The following SLIT2 variants were observed in gnomAD, a reference collection of about 807,000 sequenced individuals.
SLIT2 encodes slit guidance ligand 2.
In SLIT2, 41 loss-of-function variants were observed where a neutral mutation model predicts 185.7. The ratio of observed to expected loss-of-function variants is 0.22; its 90% CI spans 0.17 to 0.29. The LOEUF (loss-of-function observed/expected upper bound fraction) is 0.29, where lower values mean the gene tolerates loss of function less well. SLIT2 is among the 10% of genes least tolerant of loss of function. SLIT2 has a pLI of 1.00. For synonymous variants in SLIT2, 693 were observed against 680.2 expected, an observed-to-expected ratio of 1.02 and a Z score of -0.29; for missense variants, 1,571 against 1,909.0, an observed-to-expected ratio of 0.82 and a Z score of 3.30.
At chr4:20,313,675 G>A (rs1480950476) in intron 4 of SLIT2, among the ~76,000 whole-genome samples, 1 of 152,150 alleles carries the variant, frequency 6.6e-6, no homozygotes, top group African/African-American at 2.4e-5. Context: ...GTTTTTCTAT[G>A]GAATGGGTGG....
At chr4:20,496,398 G>A (rs1377235572) in intron 9 of SLIT2, among the ~76,000 whole-genome samples, 1 of 152,156 alleles carries the variant, frequency 6.6e-6, no homozygotes, top group Non-Finnish European at 1.5e-5. Flanking sequence ...CAGTTGGATC[G>A]CAATGTTGGC....
chr4:20,568,412 T>TA (rs1226647499), intron 28 of SLIT2, among the ~76,000 whole-genome samples: 1 of 151,608 alleles, frequency 6.6e-6, no homozygotes, highest in Non-Finnish European at 1.5e-5. Context: ...GTTTTCGGAT[T>TA]TTTTTTTTCA....
At chr4:20,424,044 GTAAAT>G (rs924887044) in intron 4 of SLIT2, among the ~76,000 whole-genome samples, 1 of 152,088 alleles carries the variant, frequency 6.6e-6, no homozygotes, top group Non-Finnish European at 1.5e-5. Flanking sequence ...CATAAAATTA[GTAAAT>G]TAAATGTGTA....
At chr4:20,597,078 T>C (rs1167670524) in intron 32 of SLIT2, among the ~76,000 whole-genome samples, 1 of 150,910 alleles carries the variant, frequency 6.6e-6, no homozygotes, top group African/African-American at 2.4e-5. Flanking sequence ...GTTTTTTTTT[T>C]TTTTTGAGAC....
chr4:20,490,702 A>T lies in SLIT2; in HGVS notation c.776-1059A>T, dbSNP rs1158564387. The T allele has an allele frequency of 1.3e-5, 11 of 835,094 alleles. No homozygotes were observed. The East Asian group carries it at 3.0e-4, about 22-fold the overall frequency. The allele number at this position is 835,094 out of a possible 1,614,324, so 51.7% of individuals were successfully genotyped here. A position where few individuals can be genotyped will look rare whatever the true frequency, so the allele number is the denominator to read the frequency against. On this transcript the variant is annotated intron_variant, in intron 8 of 36. Coordinates refer to ENST00000504154, the MANE Select transcript of SLIT2 (RefSeq NM_004787.4). ...TGTATAATATCATGGAATGTTCTCA[A>T]TATGTCTGATTGCTTTTTTAAAAAA...
intron 29 of SLIT2, among the ~76,000 whole-genome samples, chr4:20,581,046 T>C (rs1726520411): frequency 6.6e-6 from 1 of 152,360 alleles, no homozygotes; most frequent in Middle Eastern, 3.4e-3. Context: ...TTACTACCTG[T>C]ATTGTTTTGC....
intron 4 of SLIT2, among the ~76,000 whole-genome samples, chr4:20,422,671 G>A (rs2109469609): frequency 6.6e-6 from 1 of 152,240 alleles, no homozygotes; most frequent in Middle Eastern, 3.4e-3. Context: ...AAGTCTCTCT[G>A]AGAAGACATT....
At chr4:20,533,389 T>A in intron 17 of SLIT2, 183 bp from the exon 18 acceptor site, 1 of 596,270 alleles carries the variant, frequency 1.7e-6, no homozygotes, top group South Asian at 2.1e-5. Flanking sequence ...AGACATTCCC[T>A]GTTAGTATTA....
chr4:20,511,484 C>G (rs1719711733), intron 11 of SLIT2, among the ~76,000 whole-genome samples: 1 of 143,952 alleles, frequency 6.9e-6, no homozygotes, highest in African/African-American at 2.6e-5. Context: ...TGCAGTGGCG[C>G]CATCTCGGCT....
At chr4:20,410,958 A>T (rs938989320) in intron 4 of SLIT2, among the ~76,000 whole-genome samples, 11 of 152,140 alleles carry the variant, frequency 7.2e-5, no homozygotes, top group Non-Finnish European at 1.6e-4. Flanking sequence ...AAGAATGTCA[A>T]TGGTAGTTTA....
intron 8 of SLIT2, 90 bp downstream of exon 8, chr4:20,489,072 A>G (rs957743444): frequency 1.5e-5 from 16 of 1,050,108 alleles, no homozygotes; most frequent in Middle Eastern, 4.9e-4. Flanking sequence ...AGGTTTCAGT[A>G]TTGTTCACTA....
At chr4:20,464,792 T>C (rs1445565366) in intron 4 of SLIT2, among the ~76,000 whole-genome samples, 1 of 151,326 alleles carries the variant, frequency 6.6e-6, no homozygotes, top group Non-Finnish European at 1.5e-5. Context: ...TCACATAATC[T>C]TTTTTTTCTT....
At chr4:20,277,688 AT>A (rs1714302219) in intron 4 of SLIT2, among the ~76,000 whole-genome samples, 1 of 149,078 alleles carries the variant, frequency 6.7e-6, no homozygotes, top group Non-Finnish European at 1.5e-5. Context: ...TTATTCTATT[AT>A]TTTTAATCAT....
At chr4:20,442,082 G>A (rs1729795736) in intron 4 of SLIT2, among the ~76,000 whole-genome samples, 1 of 152,090 alleles carries the variant, frequency 6.6e-6, no homozygotes, top group African/African-American at 2.4e-5. Flanking sequence ...AAAAGGTTGG[G>A]GAAAGGCAAA....
chr4:20,307,231 T>TTTCCTACC (rs1553876336), intron 4 of SLIT2, among the ~76,000 whole-genome samples: 1 of 57,706 alleles, frequency 1.7e-5, no homozygotes, highest in African/African-American at 7.2e-5. Flanking sequence ...CTCTATTTCT[T>TTTCCTACC]TTCCTTCCTT....
chr4:20,385,178 G>A (rs1724835686), intron 4 of SLIT2, among the ~76,000 whole-genome samples: 1 of 152,072 alleles, frequency 6.6e-6, no homozygotes, highest in South Asian at 2.1e-4. Flanking sequence ...GTTGTTTGGG[G>A]CCAACAGTCC....
At chr4:20,389,608 T>G (rs1335616916) in intron 4 of SLIT2, among the ~76,000 whole-genome samples, 1 of 151,932 alleles carries the variant, frequency 6.6e-6, no homozygotes, top group Admixed American at 6.6e-5. Flanking sequence ...TTTTATAGTT[T>G]CCAAAACAAA....
intron 5 of SLIT2, among the ~76,000 whole-genome samples, chr4:20,472,524 C>CTATATATCTATATAGA (rs1715519110): frequency 1.3e-4 from 1 of 7,752 alleles, no homozygotes; most frequent in Non-Finnish European, 2.0e-4. Flanking sequence ...AGATATATAT[C>CTATATATCTATATAGA]TATATATAGA....
chr4:20,549,983 T>G (rs1435495392), intron 24 of SLIT2, among the ~76,000 whole-genome samples: 1 of 152,034 alleles, frequency 6.6e-6, no homozygotes, highest in Non-Finnish European at 1.5e-5. Context: ...ATTTAGGGTG[T>G]GTGGGAAGGT....
Sources: gnomAD v4.1 joint callset for allele counts (sites outside exome capture counted in the v4.1 genomes callset) on GRCh38, gnomAD v4.1.1 for gene constraint, MANE v1.5 for transcripts, NCBI Gene and HGNC (gene_info 2026-07-23, HGNC 2026-07-21) for gene names.